The following UMODL1 variants were observed in gnomAD, a reference collection of about 807,000 sequenced individuals.
UMODL1 encodes uromodulin like 1.
In UMODL1, 128 loss-of-function variants were observed where a neutral mutation model predicts 136.3. The ratio of observed to expected loss-of-function variants is 0.94; its 90% CI spans 0.81 to 1.09. The LOEUF is 1.09. UMODL1 is among the 50% of genes least tolerant of loss of function. The pLI is 0.00. For missense variants in UMODL1, 1,766 were observed against 1,725.6 expected, an observed-to-expected ratio of 1.02 and a Z score of -0.41; for synonymous variants, 721 against 720.0, an observed-to-expected ratio of 1.00 and a Z score of -0.02.
intron 1 of UMODL1, among the ~76,000 whole-genome samples, chr21:42,063,719 G>C (rs759038292): frequency 6.6e-6 from 1 of 152,212 alleles, no homozygotes; most frequent in Non-Finnish European, 1.5e-5. Flanking sequence ...CCAACTGGCC[G>C]CTTGCTTGTC....
At chr21:42,093,860 G>C in intron 6 of UMODL1, 1 of 456,644 alleles carries the variant, frequency 2.2e-6, no homozygotes, top group South Asian at 1.5e-5. Flanking sequence ...GAACACTCCT[G>C]TACCCCGCAG....
At position 42,094,193 on chromosome 21, in the gene UMODL1, G is replaced by C. The variant is rs149119389; in HGVS notation, c.931+3755G>C. Among the ~76,000 whole-genome samples the C allele has an allele frequency of 4.7e-3, 722 of 152,346 alleles. 2 individuals are homozygous for C. Among genetic ancestry groups the C allele is most frequent in the African/African-American group, 0.017 (687 of 41,572 alleles). ...CTCGAGCGACCGCCAAACACAAAGA[G>C]GGGAGGCTGCGCGGCCCCAGCTTCA... is the stretch of plus-strand genomic sequence containing the variant. On this transcript the variant is annotated intron_variant, in intron 6 of 22. Coordinates refer to ENST00000408910, the MANE Select transcript of UMODL1 (RefSeq NM_001004416.3).
At chr21:42,083,848 A>G (rs948274429) in intron 2 of UMODL1, among the ~76,000 whole-genome samples, 2 of 152,210 alleles carry the variant, frequency 1.3e-5, no homozygotes, top group Admixed American at 1.3e-4. Flanking sequence ...AAACAGAGAC[A>G]CCTAGGACCC....
Position 42,119,218 on chromosome 21 carries a change from G to T in UMODL1, c.2583G>T (p.Leu861Phe), listed in dbSNP as rs1383236730. ...GCAGCATCGTGGTGGAGTTTCACTTGCTGATAATCGCAGATGTGGATGTCC... is the reference window on the plus strand; with the variant it reads ...GCAGCATCGTGGTGGAGTTTCACTTTCTGATAATCGCAGATGTGGATGTCC... ...TNGSIVVEFH[L>F]LIIADVDVQE... Residue 861 changes from leucine (L) to phenylalanine (F), a missense_variant, in exon 15 of 23, where the codon TTG (leucine) becomes TTT (phenylalanine). By Grantham distance (22) the Leu-to-Phe change is conservative. Coordinates refer to ENST00000408910, the MANE Select transcript of UMODL1 (RefSeq NM_001004416.3). 6.2e-7 allele frequency: 1 copy of T among 1,614,104 alleles called. No homozygotes were observed. The highest frequency in any genetic ancestry group is 8.5e-7 in the Non-Finnish European group (1 of 1,180,034).
At chr21:42,103,160 T>C (rs1046715344) in intron 8 of UMODL1, 5 of 184,130 alleles carry the variant, frequency 2.7e-5, no homozygotes, top group Admixed American at 2.1e-4. Context: ...CTGTTCACTA[T>C]GCAAACATCC....
intron 21 of UMODL1, among the ~76,000 whole-genome samples, chr21:42,131,882 C>A (rs748785542): frequency 1.3e-5 from 2 of 152,170 alleles, no homozygotes; most frequent in African/African-American, 2.4e-5. Flanking sequence ...AACGGGTCAG[C>A]CTATTTCTTT....
At chr21:42,068,113 G>A (rs2066198194), upstream of UMODL1, among the ~76,000 whole-genome samples, 1 of 152,166 alleles carries the variant, frequency 6.6e-6, no homozygotes, top group Non-Finnish European at 1.5e-5. This position sits in a 1 kb window ranked among gnomAD's most constrained non-coding sequence, Gnocchi z 5.5. Flanking sequence ...CAGGCTTCTC[G>A]GATGTGGTCG....
chr21:42,078,980 G>A (rs1417624060), intron 2 of UMODL1, among the ~76,000 whole-genome samples: 2 of 152,326 alleles, frequency 1.3e-5, no homozygotes, highest in South Asian at 4.1e-4. Flanking sequence ...GGGATAGCGG[G>A]GGGCCATTAG....
Position 42,122,950 on chromosome 21 carries a change from C to G in UMODL1, c.2947C>G (p.Leu983Val), listed in dbSNP as rs1396462150. The change falls in exon 17 of 23, where the codon CTG becomes GTG. Residue 983 changes from leucine (L) to valine (V), a missense_variant. Physicochemically the swap from Leu to Val is conservative, Grantham distance 32. Coordinates refer to ENST00000408910, the MANE Select transcript of UMODL1 (RefSeq NM_001004416.3). The surrounding 1 kb of genome is among the most constrained non-coding windows in gnomAD (Gnocchi z 4.3). ...CACCCCCCAAGGCCTGCCCCAGCGG[C>G]TGAACCTGACCGGAGCAGTCAGGGT... The part of the protein sequence containing the change: ...SPTPQGLPQR[L>V]NLTGAVRVLC... The G allele has an allele frequency of 5.6e-6, 9 of 1,614,056 alleles. No homozygotes were observed. The South Asian group carries it at 8.8e-5, about 16-fold the overall frequency.
At position 42,111,188 on chromosome 21, in the gene UMODL1, G is replaced by A. The variant is rs887589466; in HGVS notation, c.1899+67G>A. 1.1e-4 allele frequency: 165 copies of A among 1,549,352 alleles called. No individual in the cohort carries two copies. The highest frequency in any genetic ancestry group is 1.4e-4 in the Non-Finnish European group (160 of 1,148,324). ...CCCCAGCCAGGTGAACCCCAGCCAG[G>A]GGAGCCCCAGCCAGGGGAGCCTCAG... On this transcript the variant is annotated intron_variant, in intron 11 of 22. Coordinates refer to ENST00000408910, the MANE Select transcript of UMODL1 (RefSeq NM_001004416.3).
chr21:42,115,565 C>T (rs2146514570), intron 13 of UMODL1, among the ~76,000 whole-genome samples: 1 of 149,358 alleles, frequency 6.7e-6, no homozygotes, highest in Middle Eastern at 3.6e-3. Context: ...GGGAAATTGT[C>T]TGAACCCCAG....
intron 22 of UMODL1, among the ~76,000 whole-genome samples, chr21:42,139,278 C>A (rs2067247931): frequency 6.6e-6 from 1 of 152,120 alleles, no homozygotes; most frequent in Non-Finnish European, 1.5e-5. Context: ...CTGGGGAGGC[C>A]TCAGGAAACT....
At chr21:42,066,408 G>A (rs1047597116), upstream of UMODL1, among the ~76,000 whole-genome samples, 1 of 152,076 alleles carries the variant, frequency 6.6e-6, no homozygotes, top group Non-Finnish European at 1.5e-5. Flanking sequence ...TCAGCCTTCC[G>A]AGTAGCTAGG....
chr21:42,064,649 A>G (rs1411195348), intron 1 of UMODL1, among the ~76,000 whole-genome samples: 1 of 152,072 alleles, frequency 6.6e-6, no homozygotes, highest in South Asian at 2.1e-4. Context: ...CTCTGCCTCC[A>G]GGTTCAAGCG....
chr21:42,089,986 C>T (rs1281477426), intron 5 of UMODL1, among the ~76,000 whole-genome samples: 2 of 152,160 alleles, frequency 1.3e-5, no homozygotes, highest in African/African-American at 4.8e-5. Flanking sequence ...GATGTTTTGG[C>T]CCCACCTTTT....
In UMODL1 at chr21:42,122,807, C is replaced by T. The variant is rs1172273292; in HGVS notation, c.2828-24C>T. 2.6e-6 allele frequency: 4 copies of T among 1,562,794 alleles called. No individual in the cohort carries two copies. The highest frequency in any genetic ancestry group is 1.8e-5 in the Admixed American group (1 of 54,844). On this transcript the variant is annotated intron_variant, in intron 16 of 22. Coordinates refer to ENST00000408910, the MANE Select transcript of UMODL1 (RefSeq NM_001004416.3). This position sits in a 1 kb window ranked among gnomAD's most constrained non-coding sequence, Gnocchi z 4.3. ...ACCCCAAACACAGAGCCACTCTTTG[C>T]CTTTTCCTCCTTGTGCCTTGCAGGT...
chr21:42,069,229 A>AACAC (rs61712292), upstream of UMODL1, among the ~76,000 whole-genome samples: 3,445 of 136,378 alleles, frequency 0.025, 118 homozygotes, highest in African/African-American at 0.073. Flanking sequence ...CACAGACAGA[A>AACAC]ACACACACAC....
intron 2 of UMODL1, among the ~76,000 whole-genome samples, chr21:42,079,033 G>A (rs968567204): frequency 2.0e-5 from 3 of 152,218 alleles, no homozygotes; most frequent in African/African-American, 7.2e-5. Flanking sequence ...TAGAGCATGT[G>A]GGCTTTGCAG....
At chr21:42,065,879 C>T (rs2066179293) in intron 1 of UMODL1, among the ~76,000 whole-genome samples, 1 of 152,192 alleles carries the variant, frequency 6.6e-6, no homozygotes. Flanking sequence ...GAAGTCAGGA[C>T]ACCAGGCCTG....
Sources: gnomAD v4.1 joint callset for allele counts (sites outside exome capture counted in the v4.1 genomes callset) on GRCh38, gnomAD v4.1.1 for gene constraint, Gnocchi (gnomAD v3.1) non-coding constraint, MANE v1.5 for transcripts, NCBI Gene and HGNC (gene_info 2026-07-23, HGNC 2026-07-21) for gene names.